PANX1: variants seen among roughly 807,000 people sequenced by gnomAD.
PANX1 encodes the protein pannexin 1.
Under a neutral mutation model 38.7 loss-of-function variants are expected in PANX1, and 30 were observed. The ratio of observed to expected loss-of-function variants is 0.78; its 90% CI spans 0.58 to 1.05. The LOEUF (loss-of-function observed/expected upper bound fraction) is 1.05. PANX1 is among the 50% of genes least tolerant of loss of function. The pLI is 0.00. For synonymous variants in PANX1, 230 were observed against 212.2 expected (o/e 1.08, Z -0.73); for missense variants, 551 against 517.2 (o/e 1.07, Z -0.63).
chr11:94,159,370 T>C (rs1325615134), intron 2 of PANX1, among the ~76,000 whole-genome samples: 1 of 152,216 alleles, frequency 6.6e-6, no homozygotes, highest in Non-Finnish European at 1.5e-5. Flanking sequence ...CGGCTGTGAA[T>C]CCATCTGGTC....
At chr11:94,165,927 G>A (rs1280688496) in intron 2 of PANX1, among the ~76,000 whole-genome samples, 1 of 151,906 alleles carries the variant, frequency 6.6e-6, no homozygotes, top group African/African-American at 2.4e-5. Context: ...TAATATAATA[G>A]TAATAACTAT....
chr11:94,165,395 G>A (rs923976147), intron 2 of PANX1, among the ~76,000 whole-genome samples: 7 of 151,138 alleles, frequency 4.6e-5, no homozygotes, highest in South Asian at 4.2e-4. Context: ...TGTGCACAAC[G>A]TGCAGGTTTG....
chr11:94,155,784 A>G (rs1004384141), intron 2 of PANX1, among the ~76,000 whole-genome samples: 7 of 152,142 alleles, frequency 4.6e-5, no homozygotes, highest in South Asian at 2.1e-4. Flanking sequence ...GCCATTTTGC[A>G]TAGTGGTGCC....
At chr11:94,137,297 C>T (rs559794783) in intron 1 of PANX1, among the ~76,000 whole-genome samples, 3 of 152,100 alleles carry the variant, frequency 2.0e-5, no homozygotes, top group Non-Finnish European at 4.4e-5. Flanking sequence ...AGCGAGACTC[C>T]TTCTCAAAAT....
chr11:94,140,636 A>T (rs969760247), intron 1 of PANX1, among the ~76,000 whole-genome samples: 1 of 152,164 alleles, frequency 6.6e-6, no homozygotes, highest in Non-Finnish European at 1.5e-5. Context: ...GGTTTAATGA[A>T]CATCCTTGCA....
chr11:94,156,915 C>T (rs1175415769), intron 2 of PANX1, among the ~76,000 whole-genome samples: 1 of 151,788 alleles, frequency 6.6e-6, no homozygotes, highest in Admixed American at 6.6e-5. Flanking sequence ...TGTGATGTTC[C>T]CCTTCCTGTG....
intron 2 of PANX1, among the ~76,000 whole-genome samples, chr11:94,156,896 G>C (rs571804851): frequency 6.9e-6 from 1 of 145,604 alleles, no homozygotes; most frequent in African/African-American, 2.6e-5. Context: ...CCAAAAACAA[G>C]CCCCAGTGTG....
chr11:94,139,787 T>C (rs1260611769), intron 1 of PANX1, among the ~76,000 whole-genome samples: 3 of 152,178 alleles, frequency 2.0e-5, no homozygotes, highest in Admixed American at 6.5e-5. Flanking sequence ...CCCAACTCCA[T>C]GGGGACAGAA....
intron 2 of PANX1, 84 bp from the exon 3 acceptor site, chr11:94,178,285 T>G: frequency 9.9e-7 from 1 of 1,014,334 alleles, no homozygotes; most frequent in South Asian, 1.4e-5. Context: ...TCTCAAGATG[T>G]GAGAAAATGA....
intron 1 of PANX1, among the ~76,000 whole-genome samples, chr11:94,140,931 A>T (rs1946754815): frequency 6.6e-6 from 1 of 152,216 alleles, no homozygotes; most frequent in African/African-American, 2.4e-5. Context: ...TTGAAAATCT[A>T]CTTAATATTT....
chr11:94,164,204 G>T (rs780301731), intron 2 of PANX1, among the ~76,000 whole-genome samples: 1 of 150,780 alleles, frequency 6.6e-6, no homozygotes, highest in Non-Finnish European at 1.5e-5. Flanking sequence ...TATTTTTTTG[G>T]TTTCAATTTT....
chr11:94,140,682 C>T (rs969846602), intron 1 of PANX1, among the ~76,000 whole-genome samples: 14 of 152,210 alleles, frequency 9.2e-5, no homozygotes, highest in East Asian at 1.9e-4. Flanking sequence ...TCTCTAGAGC[C>T]GTGGTTCTCA....
intron 2 of PANX1, among the ~76,000 whole-genome samples, chr11:94,162,666 C>T (rs750459292): frequency 7.2e-5 from 11 of 152,164 alleles, no homozygotes; most frequent in African/African-American, 1.2e-4. Context: ...TTGCGCTTCC[C>T]GGGTGAGGTG....
rs1947224652 is a variant in PANX1 at position 94,175,697 on chromosome 11, G to T, written c.322-2672G>T. The T allele has an allele frequency of 3.1e-6, 3 of 959,380 alleles. No homozygotes were observed. The African/African-American group carries it at 5.4e-5, about 17-fold the overall frequency. The allele number at this position is 959,380 out of a possible 1,614,324, so 59.4% of individuals were successfully genotyped here. On this transcript the variant is annotated intron_variant, in intron 2 of 4. Transcript: ENST00000227638. ...TGCACTTATGTTTTTAAACTAATGG[G>T]CACCCTTCTGATTGGGCAAGAATTA...
chr11:94,135,121 C>G (rs1946673442), intron 1 of PANX1, among the ~76,000 whole-genome samples: 1 of 152,190 alleles, frequency 6.6e-6, no homozygotes, highest in Non-Finnish European at 1.5e-5. Flanking sequence ...ATGTTTCTGG[C>G]TGGCTGGACC....
chr11:94,180,139 C>A lies in PANX1; in HGVS notation c.1083C>A (p.Ile361=). 6.8e-6 allele frequency: 11 copies of A among 1,613,836 alleles called. No homozygotes were observed. Among genetic ancestry groups the A allele is most frequent in the Middle Eastern group, 1.7e-4 (1 of 6,060 alleles). Reference sequence around the variant, plus strand: ...ATATTAAGAGCAGTGGTCAGGGGATCGACCCAATGCTACTCCTGACAAACC... The same window carrying A: ...ATATTAAGAGCAGTGGTCAGGGGATAGACCCAATGCTACTCCTGACAAACC... ...LENIKSSGQG[I]DPMLLLTNLG... is the part of the protein sequence containing the mutation. The change falls in exon 4 of 5, where the codon ATC becomes ATA. Residue 361 remains isoleucine, a synonymous_variant. Transcript: ENST00000227638.
intron 2 of PANX1, among the ~76,000 whole-genome samples, chr11:94,166,067 C>G (rs910221881): frequency 2.6e-5 from 4 of 152,108 alleles, no homozygotes; most frequent in African/African-American, 9.7e-5. Context: ...TTCATCCCCC[C>G]CTCGCTTTCG....
chr11:94,163,433 A>G (rs1947070619), intron 2 of PANX1, among the ~76,000 whole-genome samples: 2 of 152,186 alleles, frequency 1.3e-5, no homozygotes, highest in African/African-American at 4.8e-5. Context: ...TTTATCATGA[A>G]GGGATGTTGA....
At chr11:94,177,582 A>G (rs1012402369) in intron 2 of PANX1, among the ~76,000 whole-genome samples, 1 of 152,150 alleles carries the variant, frequency 6.6e-6, no homozygotes, top group Middle Eastern at 3.2e-3. Flanking sequence ...CGGTCTTCCT[A>G]AGTCTTCTGC....
Sources: gnomAD v4.1 joint callset for allele counts (sites outside exome capture counted in the v4.1 genomes callset) on GRCh38, gnomAD v4.1.1 for gene constraint, MANE v1.5 for transcripts, NCBI Gene and HGNC (gene_info 2026-07-23, HGNC 2026-07-21) for gene names.